Variants in EIF3L observed in about 807,000 individuals in gnomAD.
EIF3L encodes eIEF associated protein HSPC021.
EIF3L carries 32 observed loss-of-function variants against 74.6 expected under a neutral mutation model. The ratio of observed to expected loss-of-function variants is 0.43; its 90% CI spans 0.32 to 0.58. The LOEUF is 0.58. EIF3L is among the 20% of genes least tolerant of loss of function. The pLI is 0.06. For missense variants in EIF3L, 474 were observed against 707.8 expected (o/e 0.67, Z 3.75); for synonymous variants, 256 against 254.4 (o/e 1.01, Z -0.06).
chr22:37,875,967 A>C lies in EIF3L; in HGVS notation c.1033A>C (p.Arg345=), dbSNP rs749128682. ...VFANILLYIQ[R]TKSMFQRTTY... Reference sequence around the variant, plus strand: ...CGCCAACATCCTCCTCTACATCCAGAGGACCAAGAGCATGTTCCAGAGGAC... The same window carrying C: ...CGCCAACATCCTCCTCTACATCCAGCGGACCAAGAGCATGTTCCAGAGGAC... Residue 345 remains arginine (R), a synonymous_variant, in exon 10 of 13, where the codon AGG becomes CGG. Transcript: ENST00000652021. The C allele has an allele frequency of 1.9e-6, 3 of 1,614,100 alleles. No homozygotes were observed. The highest frequency in any genetic ancestry group is 8.5e-7 in the Non-Finnish European group (1 of 1,180,012).
Position 37,877,312 on chromosome 22 carries a change from G to A in EIF3L, c.1078-362G>A, listed in dbSNP as rs560317481. Reference sequence around the variant, plus strand: ...GTTGTTGACTGAAACGCTGTTGCACGGCACATTACTATTTAGTCTATATTT... The same window carrying A: ...GTTGTTGACTGAAACGCTGTTGCACAGCACATTACTATTTAGTCTATATTT... On this transcript the variant is annotated intron_variant, in intron 10 of 12. Transcript: ENST00000652021. 7 of 202,592 alleles carry A rather than the reference G, an allele frequency of 3.5e-5. No individual in the cohort carries two copies. In the South Asian group the frequency reaches 6.1e-4, roughly 18 times the overall value. 12.5% of individuals were successfully genotyped at this position (202,592 alleles called of 1,614,324 possible). A position where few individuals can be genotyped will look rare whatever the true frequency, so the allele number is the denominator to read the frequency against.
chr22:37,849,860 C>T (rs1395815140), intron 1 of EIF3L, 155 bp from the exon 2 acceptor site: 3 of 763,330 alleles, frequency 3.9e-6, no homozygotes, highest in Non-Finnish European at 6.8e-6. Flanking sequence ...TGTTTACTGT[C>T]CCTTTTCTCT....
intron 4 of EIF3L, among the ~76,000 whole-genome samples, chr22:37,858,261 T>C (rs1001232920): frequency 5.8e-5 from 7 of 121,522 alleles, no homozygotes; most frequent in African/African-American, 2.2e-4. Flanking sequence ...GGGGTCTCAC[T>C]GTGTTGCCCA....
intron 5 of EIF3L, 75 bp from the exon 6 acceptor site, chr22:37,862,894 C>A: frequency 9.5e-7 from 1 of 1,049,192 alleles, no homozygotes; most frequent in Non-Finnish European, 1.4e-6. Context: ...TTGTTCACAG[C>A]TGTCACAGTA....
intron 12 of EIF3L, chr22:37,887,392 G>A (rs1407479188): frequency 3.3e-5 from 5 of 151,530 alleles, no homozygotes; most frequent in African/African-American, 1.2e-4. Context: ...GAGATCAGGA[G>A]TTCAAGACCA....
intron 4 of EIF3L, among the ~76,000 whole-genome samples, chr22:37,856,866 G>A (rs1197597719): frequency 3.3e-5 from 5 of 149,822 alleles, no homozygotes; most frequent in Non-Finnish European, 4.5e-5. Flanking sequence ...AAGAAAGAAA[G>A]AAATTGGGAA....
intron 3 of EIF3L, among the ~76,000 whole-genome samples, chr22:37,853,653 C>G (rs1925346279): frequency 6.6e-6 from 1 of 152,106 alleles, no homozygotes; most frequent in South Asian, 2.1e-4. Context: ...TGTAGCTAGA[C>G]ATTAATTTTA....
chr22:37,878,001 A>G lies in EIF3L; in HGVS notation c.1405A>G (p.Thr469Ala). ...CCGCAGCTTCCTGAAGCTCTACACCACCATGCCTGTGGCCAAGCTGGCTGG... is the reference window on the plus strand; with the variant it reads ...CCGCAGCTTCCTGAAGCTCTACACCGCCATGCCTGTGGCCAAGCTGGCTGG... ...TIRSFLKLYT[T>A]MPVAKLAGFL... Residue 469 changes from threonine to alanine, a missense_variant, in exon 11 of 13, where the codon ACC (threonine) becomes GCC (alanine). Thr to Ala is a moderately conservative substitution (Grantham distance 58, BLOSUM62 0). Transcript: ENST00000652021. 6.2e-7 allele frequency: 1 copy of G among 1,613,476 alleles called. No homozygotes were observed. Among genetic ancestry groups the G allele is most frequent in the Non-Finnish European group, 8.5e-7 (1 of 1,179,954 alleles).
intron 9 of EIF3L, 133 bp from the exon 10 acceptor site, chr22:37,875,708 T>G: frequency 1.3e-6 from 1 of 764,474 alleles, no homozygotes; most frequent in Non-Finnish European, 2.1e-6. Flanking sequence ...AGATCCGCTC[T>G]CAAACTCTGG....
At chr22:37,855,676 G>T in intron 4 of EIF3L, 32 bp downstream of exon 4, 1 of 1,562,740 alleles carries the variant, frequency 6.4e-7, no homozygotes. Context: ...CTTGTGCACT[G>T]AGTGGAATCC....
rs758594771 is a variant in EIF3L at position 37,851,258 on chromosome 22, ATTTG to A, written c.83-19_83-16del. 4.4e-5 allele frequency: 71 copies of A among 1,608,966 alleles called. No homozygotes were observed. The Middle Eastern group carries it at 8.2e-4, about 19-fold the overall frequency. ...ATATGTGGGTTTGAGCATACTCTGT[ATTTG>A]TTGTATCCAACCTCCAGGAGATCCA... is the stretch of plus-strand genomic sequence containing the variant. On this transcript the variant is annotated intron_variant, in intron 2 of 12. Transcript: ENST00000652021.
At chr22:37,888,254 C>A in intron 12 of EIF3L, 172 bp from the exon 13 acceptor site, 1 of 640,772 alleles carries the variant, frequency 1.6e-6, no homozygotes, top group Non-Finnish European at 2.8e-6. Flanking sequence ...GTGAACTGTG[C>A]AGGGCCATAT....
At chr22:37,874,293 C>A in intron 8 of EIF3L, 77 bp from the exon 9 acceptor site, 1 of 1,491,914 alleles carries the variant, frequency 6.7e-7, no homozygotes, top group Non-Finnish European at 9.1e-7. Context: ...GAGATGCCTA[C>A]TGAGTAACAT....
At chr22:37,863,937 C>T (rs1409083567) in intron 7 of EIF3L, among the ~76,000 whole-genome samples, 1 of 151,900 alleles carries the variant, frequency 6.6e-6, no homozygotes, top group Non-Finnish European at 1.5e-5. Context: ...TGGTGGCAGG[C>T]GCCTGTAGTC....
In EIF3L at chr22:37,849,423, C is replaced by A. The variant is rs1925028087; in HGVS notation, c.-27C>A. On this transcript the variant is annotated 5_prime_UTR_variant, in exon 1 of 13. Transcript: ENST00000652021. Reference sequence around the variant, plus strand: ...GCGCGGGCCGCTCATTTCGCTCTTTCCGGCGGTGCTCGCAAGCGAGGCAGC... The same window carrying A: ...GCGCGGGCCGCTCATTTCGCTCTTTACGGCGGTGCTCGCAAGCGAGGCAGC... 6.2e-7 allele frequency: 1 copy of A among 1,613,904 alleles called. No individual in the cohort carries two copies. The highest frequency in any genetic ancestry group is 1.3e-5 in the African/African-American group (1 of 74,938).
chr22:37,873,715 C>T (rs1371891362), intron 8 of EIF3L, among the ~76,000 whole-genome samples: 1 of 151,970 alleles, frequency 6.6e-6, no homozygotes. Context: ...TTCCATAGAT[C>T]TCAGTCTCAA....
At chr22:37,862,092 T>A (rs575521177) in intron 5 of EIF3L, among the ~76,000 whole-genome samples, 30 of 152,334 alleles carry the variant, frequency 2.0e-4, no homozygotes, top group Admixed American at 1.8e-3. Flanking sequence ...CACTTCAGCC[T>A]CCCAGAGTGT....
Position 37,888,676 on chromosome 22 carries a change from G to C in EIF3L, c.*212G>C, listed in dbSNP as rs886768912. ...AGGAGAGAATTTGTGGGTTGTGGCAGTAATACATTTCCCATGTGTCCTGAT... is the reference window on the plus strand; with the variant it reads ...AGGAGAGAATTTGTGGGTTGTGGCACTAATACATTTCCCATGTGTCCTGAT... On this transcript the variant is annotated 3_prime_UTR_variant, in exon 13 of 13. Coordinates refer to ENST00000652021, the MANE Select transcript of EIF3L (RefSeq NM_016091.4). 1.6e-5 allele frequency: 9 copies of C among 580,256 alleles called. No homozygotes were observed. In the East Asian group the frequency reaches 2.6e-4, roughly 17 times the overall value. 35.9% of individuals were successfully genotyped at this position (580,256 alleles called of 1,614,324 possible). A position where few individuals can be genotyped will look rare whatever the true frequency, so the allele number is the denominator to read the frequency against.
At chr22:37,875,626 G>A (rs1926704643) in intron 9 of EIF3L, among the ~76,000 whole-genome samples, 1 of 152,146 alleles carries the variant, frequency 6.6e-6, no homozygotes. Context: ...GGGATTACCT[G>A]ATCCAGAACC....
Sources: allele counts gnomAD v4.1 joint callset (sites outside exome capture counted in the v4.1 genomes callset), GRCh38; gene constraint gnomAD v4.1.1; transcripts MANE v1.5; gene names NCBI Gene and HGNC (gene_info 2026-07-23, HGNC 2026-07-21).